Variants in NHS observed in about 807,000 individuals in gnomAD.
NHS encodes actin remodeling regulator NHS.
In NHS, 5 loss-of-function variants were observed where a neutral mutation model predicts 72.5. That is an observed-to-expected ratio of 0.07 (90% CI 0.04 to 0.14). NHS has a LOEUF of 0.14. NHS is among the 10% of genes least tolerant of loss of function. The pLI is 1.00. For missense variants in NHS, 1,072 were observed against 1,355.7 expected (o/e 0.79, Z 3.29); for synonymous variants, 464 against 547.7 (o/e 0.85, Z 2.13).
intron 1 of NHS, among the ~76,000 whole-genome samples, chrX:17,450,598 G>A (rs927791425): frequency 8.9e-6 from 1 of 112,122 alleles, no homozygotes; most frequent in East Asian, 2.8e-4. Flanking sequence ...TCCCTGGGCC[G>A]GGCGTGGTGG....
chrX:17,540,819 C>T (rs2065258622), intron 1 of NHS, among the ~76,000 whole-genome samples: 2 of 112,036 alleles, frequency 1.8e-5, no homozygotes, highest in Non-Finnish European at 3.8e-5. Context: ...GTGGCTTATG[C>T]CTGTAATCCC....
chrX:17,495,714 A>G (rs908621570), intron 1 of NHS, among the ~76,000 whole-genome samples: 1 of 112,242 alleles, frequency 8.9e-6, no homozygotes, highest in African/African-American at 3.2e-5. Flanking sequence ...TTGTAAACCC[A>G]TTGGCACACA....
At chrX:17,468,890 A>G (rs777508166) in intron 1 of NHS, among the ~76,000 whole-genome samples, 2 of 111,308 alleles carry the variant, frequency 1.8e-5, no homozygotes, top group East Asian at 5.6e-4. Context: ...TAACATACAC[A>G]TAGAAAACTG....
intron 1 of NHS, among the ~76,000 whole-genome samples, chrX:17,674,143 G>A (rs1452386996): frequency 9.0e-6 from 1 of 111,635 alleles, no homozygotes; most frequent in Non-Finnish European, 1.9e-5. Context: ...CAGTACACTC[G>A]GAGGGATTGG....
At chrX:17,394,364 T>C (rs747329792) in intron 1 of NHS, among the ~76,000 whole-genome samples, 6 of 112,074 alleles carry the variant, frequency 5.4e-5, no homozygotes, top group East Asian at 2.8e-4. Context: ...TCAATTTTTT[T>C]CCCCTAACTA....
intron 3 of NHS, among the ~76,000 whole-genome samples, chrX:17,695,700 C>G (rs1392119870): frequency 9.0e-6 from 1 of 111,137 alleles, no homozygotes; most frequent in African/African-American, 3.3e-5. Context: ...CCAAAGTAAC[C>G]TCATAACTCC....
Position 17,732,262 on chromosome X carries a change from C to T in NHS, c.4754C>T (p.Ala1585Val). 1 of 1,212,136 alleles carries T rather than the reference C, an allele frequency of 8.2e-7. No individual in the cohort carries two copies. Among genetic ancestry groups the T allele is most frequent in the South Asian group, 1.8e-5 (1 of 57,029 alleles). Reference sequence around the variant, plus strand: ...TCTCCATGCTCCCCACGAGTTAATGCAGAAGGCTTTTCCTCGAAGAGCTTT... The same window carrying T: ...TCTCCATGCTCCCCACGAGTTAATGTAGAAGGCTTTTCCTCGAAGAGCTTT... ...PLSPCSPRVNAEGFSSKSFAT... is the reference protein window; with the variant it reads ...PLSPCSPRVNVEGFSSKSFAT... The change falls in exon 9 of 9, where the codon GCA becomes GTA. Residue 1585 changes from alanine (A) to valine (V), a missense_variant. Physicochemically the swap from Ala to Val is moderately conservative, Grantham distance 64 (BLOSUM62 0). Coordinates refer to ENST00000676302, the MANE Select transcript of NHS (RefSeq NM_001291867.2).
At chrX:17,588,374 T>C (rs1403535481) in intron 1 of NHS, among the ~76,000 whole-genome samples, 3 of 111,748 alleles carry the variant, frequency 2.7e-5, no homozygotes, top group Middle Eastern at 4.2e-3. Flanking sequence ...TTAAAAAATT[T>C]TGTTGGCCAG....
At chrX:17,612,023 C>T (rs989978915) in intron 1 of NHS, among the ~76,000 whole-genome samples, 3 of 105,827 alleles carry the variant, frequency 2.8e-5, no homozygotes, top group Admixed American at 1.0e-4. Context: ...CCACAGACAA[C>T]AAGTTTCTTC....
chrX:17,561,574 G>GCGCGCACACACACA (rs879101977), intron 1 of NHS, among the ~76,000 whole-genome samples: 3 of 65,401 alleles, frequency 4.6e-5, no homozygotes, highest in East Asian at 1.2e-3. Context: ...GCGCGCGCGC[G>GCGCGCACACACACA]CACACACACA....
chrX:17,590,938 T>C (rs2065600254), intron 1 of NHS, among the ~76,000 whole-genome samples: 1 of 112,162 alleles, frequency 8.9e-6, no homozygotes, highest in South Asian at 3.7e-4. Context: ...TACTAGTTTA[T>C]ATTTTTCCAC....
At chrX:17,415,203 G>A (rs759734242) in intron 1 of NHS, among the ~76,000 whole-genome samples, 1 of 111,592 alleles carries the variant, frequency 9.0e-6, no homozygotes, top group Non-Finnish European at 1.9e-5. Flanking sequence ...GGTATAGCCC[G>A]CTTGTGGCTC....
At chrX:17,474,016 C>T (rs1010706652) in intron 1 of NHS, among the ~76,000 whole-genome samples, 1 of 111,118 alleles carries the variant, frequency 9.0e-6, no homozygotes, top group Non-Finnish European at 1.9e-5. Context: ...CAGATTATTT[C>T]ATCACCCAGG....
chrX:17,410,410 G>A (rs1004054106), intron 1 of NHS, among the ~76,000 whole-genome samples: 7 of 110,252 alleles, frequency 6.3e-5, no homozygotes, highest in Non-Finnish European at 1.1e-4. Context: ...AGGACCTTGC[G>A]TTGGGATAAT....
intron 1 of NHS, among the ~76,000 whole-genome samples, chrX:17,545,374 G>A (rs61478905): frequency 0.058 from 6,506 of 111,921 alleles, 439 homozygotes; most frequent in African/African-American, 0.19. Flanking sequence ...CCACCTGGTC[G>A]TTCGGAAACC....
At chrX:17,666,703 A>G (rs112589823) in intron 1 of NHS, among the ~76,000 whole-genome samples, 9,936 of 112,730 alleles carry the variant, frequency 0.088, 1,043 homozygotes, top group African/African-American at 0.3. Context: ...AACTGGATTC[A>G]TCAGGATAGG....
intron 3 of NHS, among the ~76,000 whole-genome samples, chrX:17,708,794 A>G (rs761756907): frequency 9.0e-6 from 1 of 111,334 alleles, no homozygotes; most frequent in Non-Finnish European, 1.9e-5. Context: ...GGCTGGTAAG[A>G]AAAGGGGTGT....
At chrX:17,682,986 G>A (rs1442674759) in intron 1 of NHS, among the ~76,000 whole-genome samples, 1 of 111,601 alleles carries the variant, frequency 9.0e-6, no homozygotes, top group African/African-American at 3.3e-5. Context: ...GAGAGTGGCA[G>A]CCACTAGTTT....
chrX:17,604,082 G>A (rs1192166987), intron 1 of NHS, among the ~76,000 whole-genome samples: 1 of 110,755 alleles, frequency 9.0e-6, no homozygotes, highest in African/African-American at 3.3e-5. Flanking sequence ...GTTAATAATA[G>A]TGTACAAATA....
Sources: allele counts gnomAD v4.1 joint callset (sites outside exome capture counted in the v4.1 genomes callset), GRCh38; gene constraint gnomAD v4.1.1; transcripts MANE v1.5; gene names NCBI Gene and HGNC (gene_info 2026-07-23, HGNC 2026-07-21).